The following FAAH2 variants were observed in gnomAD, a reference collection of about 807,000 sequenced individuals.
FAAH2 encodes the protein fatty-acid amide hydrolase 2.
In FAAH2, 60 loss-of-function variants were observed where a neutral mutation model predicts 36.9. The ratio of observed to expected loss-of-function variants is 1.63; its 90% CI spans 1.32 to 2.02. FAAH2 has a LOEUF of 2.02. Among genes scored for constraint, FAAH2 ranks in the 30% most tolerant of loss-of-function variants. FAAH2 has a pLI of 0.00. For missense variants in FAAH2, 689 were observed against 397.5 expected (o/e 1.73, Z -6.23); for synonymous variants, 214 against 143.8 (o/e 1.49, Z -3.49).
the FAAH2 span, among the ~76,000 whole-genome samples, chrX:57,209,260 T>A: frequency 8.9e-6 from 1 of 112,133 alleles, no homozygotes; most frequent in East Asian, 2.8e-4. Context: ...CTTGGCTCCA[T>A]GGCCACCACA....
At chrX:57,382,583 G>T (rs974218852) in intron 7 of FAAH2, among the ~76,000 whole-genome samples, 4 of 111,549 alleles carry the variant, frequency 3.6e-5, no homozygotes, top group African/African-American at 9.8e-5. Context: ...TAGAAGAAAT[G>T]GATAAATTCC....
chrX:57,385,887 G>A (rs934339488), intron 7 of FAAH2, among the ~76,000 whole-genome samples: 5 of 88,951 alleles, frequency 5.6e-5, no homozygotes, highest in Admixed American at 2.8e-4. Flanking sequence ...CAGCCTGGGC[G>A]ACAGAGTGAG....
At chrX:57,401,961 T>G (rs1020028162) in intron 7 of FAAH2, among the ~76,000 whole-genome samples, 1 of 111,161 alleles carries the variant, frequency 9.0e-6, no homozygotes, top group Admixed American at 9.5e-5. Flanking sequence ...CTGGGAGAAG[T>G]ATCTAGTGAC....
chrX:57,159,510 T>C, the FAAH2 span, among the ~76,000 whole-genome samples: 2 of 111,096 alleles, frequency 1.8e-5, no homozygotes, highest in African/African-American at 6.5e-5. Flanking sequence ...TCCTCTTTTA[T>C]TTCATTGAGC....
the FAAH2 span, among the ~76,000 whole-genome samples, chrX:57,167,122 G>T: frequency 2.7e-5 from 3 of 111,860 alleles, no homozygotes; most frequent in South Asian, 1.1e-3. Context: ...GGGCCACAAA[G>T]ATGGGAGCAT....
chrX:57,265,779 A>T, the FAAH2 span, among the ~76,000 whole-genome samples: 1 of 111,539 alleles, frequency 9.0e-6, no homozygotes, highest in Non-Finnish European at 1.9e-5. Flanking sequence ...TGGGCTTTGG[A>T]GAGCCCAAGC....
At chrX:57,319,983 G>A (rs2052968348) in intron 3 of FAAH2, among the ~76,000 whole-genome samples, 1 of 111,580 alleles carries the variant, frequency 9.0e-6, no homozygotes, top group Non-Finnish European at 1.9e-5. Flanking sequence ...ACTGAAACTG[G>A]ACCTCTTTCT....
chrX:57,383,211 G>T (rs1479312094), intron 7 of FAAH2, among the ~76,000 whole-genome samples: 4 of 111,889 alleles, frequency 3.6e-5, no homozygotes, highest in African/African-American at 6.5e-5. Flanking sequence ...CAAACCCACA[G>T]CCAATATCAT....
At chrX:57,315,398 C>G (rs1490528236) in intron 3 of FAAH2, among the ~76,000 whole-genome samples, 1 of 111,398 alleles carries the variant, frequency 9.0e-6, no homozygotes, top group Non-Finnish European at 1.9e-5. Context: ...TCCTCTCTAA[C>G]TCATTCTATA....
intron 3 of FAAH2, among the ~76,000 whole-genome samples, chrX:57,321,380 G>C (rs886752181): frequency 9.2e-6 from 1 of 109,128 alleles, no homozygotes; most frequent in African/African-American, 3.3e-5. Flanking sequence ...AGTAGATGAC[G>C]TGTTGATGGG....
At chrX:57,432,100 G>A in intron 8 of FAAH2, 63 bp downstream of exon 8, 1 of 1,002,908 alleles carries the variant, frequency 1.0e-6, no homozygotes, top group Non-Finnish European at 1.4e-6. Flanking sequence ...AGCTTCTATT[G>A]TGGTCCATAT....
intron 10 of FAAH2, among the ~76,000 whole-genome samples, chrX:57,473,408 C>T (rs1399101588): frequency 9.0e-6 from 1 of 111,532 alleles, no homozygotes; most frequent in Non-Finnish European, 1.9e-5. Flanking sequence ...TATTATTTTA[C>T]CTTTTTGAAT....
At chrX:57,176,640 G>C in the FAAH2 span, among the ~76,000 whole-genome samples, 1 of 111,595 alleles carries the variant, frequency 9.0e-6, no homozygotes, top group Non-Finnish European at 1.9e-5. Context: ...AGATGTTATA[G>C]AACCCAGTTT....
Position 57,380,477 on chromosome X carries a change from C to T in FAAH2, c.879-435C>T, listed in dbSNP as rs187879528. On this transcript the variant is annotated intron_variant, in intron 6 of 10. Coordinates refer to ENST00000374900, the MANE Select transcript of FAAH2 (RefSeq NM_174912.4). Reference sequence around the variant, plus strand: ...TCCACTACTTTGATTCTTACCCAATCCCAGTGACTGGATGACCAAAATCAA... The same window carrying T: ...TCCACTACTTTGATTCTTACCCAATTCCAGTGACTGGATGACCAAAATCAA... 1.2e-4 allele frequency among the ~76,000 whole-genome samples: 13 copies of T among 112,141 alleles called. No homozygotes were observed. The East Asian group carries it at 3.4e-3, about 29-fold the overall frequency.
At chrX:57,197,405 C>A in the FAAH2 span, among the ~76,000 whole-genome samples, 1 of 111,490 alleles carries the variant, frequency 9.0e-6, no homozygotes, top group Non-Finnish European at 1.9e-5. Flanking sequence ...AGATTCATTG[C>A]TGATGAGCTA....
At chrX:57,228,297 C>A in the FAAH2 span, among the ~76,000 whole-genome samples, 625 of 111,284 alleles carry the variant, frequency 5.6e-3, 2 homozygotes, top group African/African-American at 0.02. Flanking sequence ...CTTGGGGATC[C>A]AGCGAGCTCC....
At chrX:57,469,526 A>C (rs1186724965) in intron 10 of FAAH2, among the ~76,000 whole-genome samples, 2 of 112,275 alleles carry the variant, frequency 1.8e-5, no homozygotes, top group East Asian at 5.6e-4. Context: ...TAAAAAAGTG[A>C]TCAATTCAAT....
intron 2 of FAAH2, among the ~76,000 whole-genome samples, chrX:57,308,113 A>G (rs747098527): frequency 9.0e-6 from 1 of 111,286 alleles, no homozygotes; most frequent in African/African-American, 3.3e-5. Context: ...TACAAATGCA[A>G]GTGTCTTTTT....
the FAAH2 span, among the ~76,000 whole-genome samples, chrX:57,222,221 C>T: frequency 2.1e-4 from 23 of 111,022 alleles, no homozygotes; most frequent in African/African-American, 6.9e-4. Context: ...TTCCCTCCTT[C>T]GCTCTATCTG....
Sources: allele counts gnomAD v4.1 joint callset (sites outside exome capture counted in the v4.1 genomes callset), GRCh38; gene constraint gnomAD v4.1.1; transcripts MANE v1.5; gene names NCBI Gene and HGNC (gene_info 2026-07-23, HGNC 2026-07-21).